Variants in IL1RAPL2 observed in about 807,000 individuals in gnomAD.
The protein encoded by IL1RAPL2 is X-linked interleukin-1 receptor accessory protein-like 2.
In IL1RAPL2, 3 loss-of-function variants were observed where a neutral mutation model predicts 44.1. The ratio of observed to expected loss-of-function variants is 0.07; its 90% CI spans 0.03 to 0.18. The LOEUF is 0.18. Among genes scored for constraint, IL1RAPL2 ranks in the 10% least tolerant of loss-of-function variants. IL1RAPL2 has a pLI of 1.00. For missense variants in IL1RAPL2, 391 were observed against 496.4 expected, an observed-to-expected ratio of 0.79 and a Z score of 2.02; for synonymous variants, 181 against 178.8, an observed-to-expected ratio of 1.01 and a Z score of -0.10.
chrX:105,245,541 G>T (rs1159783185), intron 4 of IL1RAPL2, among the ~76,000 whole-genome samples: 2 of 112,354 alleles, frequency 1.8e-5, no homozygotes, highest in Admixed American at 9.5e-5. Context: ...CTTTTAGAAG[G>T]TTCTTCTGAC....
intron 2 of IL1RAPL2, among the ~76,000 whole-genome samples, chrX:105,080,135 A>G (rs1200801651): frequency 8.9e-6 from 1 of 111,846 alleles, no homozygotes; most frequent in African/African-American, 3.2e-5. Flanking sequence ...TGTCAGATGG[A>G]CAGATTGCAA....
intron 3 of IL1RAPL2, chrX:105,219,134 G>A (rs781872923): frequency 1.7e-6 from 2 of 1,211,231 alleles, no homozygotes; most frequent in South Asian, 1.8e-5. Flanking sequence ...TGCTCCTGAT[G>A]GTCTATTCTG....
At chrX:104,869,560 T>A (rs957198371) in intron 2 of IL1RAPL2, among the ~76,000 whole-genome samples, 3 of 112,082 alleles carry the variant, frequency 2.7e-5, no homozygotes, top group African/African-American at 9.7e-5. Flanking sequence ...ACTATTTCTT[T>A]TTTTTCATTA....
chrX:105,218,422 A>G (rs943606873), intron 3 of IL1RAPL2, among the ~76,000 whole-genome samples: 2 of 111,057 alleles, frequency 1.8e-5, no homozygotes, highest in Non-Finnish European at 3.8e-5. Context: ...ATTGCTCAAC[A>G]TCATGGAATC....
intron 6 of IL1RAPL2, among the ~76,000 whole-genome samples, chrX:105,573,485 A>G (rs1003294265): frequency 9.0e-6 from 1 of 111,663 alleles, no homozygotes; most frequent in African/African-American, 3.3e-5. Context: ...CTGAATTTAG[A>G]TGGTAAGAAT....
rs201370800 is a variant in IL1RAPL2 at position 105,614,843 on chromosome X, T to TA, written c.773-102518dup. ...ATGGACAAATGGTATCACATCAAGTTAAAAAACTTCGGCACAGCAAAAGAA... is the reference window on the plus strand; with the variant it reads ...ATGGACAAATGGTATCACATCAAGTTAAAAAAACTTCGGCACAGCAAAAGAA... On this transcript the variant is annotated intron_variant, in intron 6 of 10. Transcript: ENST00000372582. 6.8e-3 allele frequency among the ~76,000 whole-genome samples: 757 copies of TA among 111,188 alleles called. 8 individuals are homozygous for TA. Among genetic ancestry groups the TA allele is most frequent in the African/African-American group, 0.021 (630 of 30,582 alleles).
At chrX:105,298,058 C>T (rs1042033732) in intron 5 of IL1RAPL2, among the ~76,000 whole-genome samples, 12 of 110,774 alleles carry the variant, frequency 1.1e-4, no homozygotes, top group African/African-American at 3.9e-4. Flanking sequence ...TCTACACACA[C>T]ACACATACAT....
At chrX:104,627,436 A>T (rs1929537239) in intron 1 of IL1RAPL2, among the ~76,000 whole-genome samples, 1 of 109,085 alleles carries the variant, frequency 9.2e-6, no homozygotes, top group Non-Finnish European at 1.9e-5. Flanking sequence ...TACATATGTA[A>T]CAAACCTGCA....
At chrX:104,803,169 T>C (rs937257358) in intron 2 of IL1RAPL2, among the ~76,000 whole-genome samples, 30 of 111,995 alleles carry the variant, frequency 2.7e-4, no homozygotes, top group Admixed American at 2.7e-3. Context: ...GAGGTAAGTC[T>C]GTTAGGATAT....
chrX:105,179,597 C>T (rs782811142), intron 2 of IL1RAPL2, among the ~76,000 whole-genome samples: 5 of 111,756 alleles, frequency 4.5e-5, no homozygotes, highest in South Asian at 3.7e-4. Context: ...TTTATTTTAA[C>T]GATATTAATT....
intron 5 of IL1RAPL2, among the ~76,000 whole-genome samples, chrX:105,462,699 A>G (rs1335047517): frequency 9.0e-6 from 1 of 111,407 alleles, no homozygotes; most frequent in Admixed American, 9.6e-5. Context: ...TAATTCATCA[A>G]ATCTGGGCCT....
At chrX:105,279,757 C>T (rs2034516068) in intron 5 of IL1RAPL2, among the ~76,000 whole-genome samples, 1 of 112,097 alleles carries the variant, frequency 8.9e-6, no homozygotes, top group African/African-American at 3.2e-5. Flanking sequence ...GGATTACAGG[C>T]GTGAGCCACC....
intron 2 of IL1RAPL2, among the ~76,000 whole-genome samples, chrX:105,090,143 T>C (rs769323867): frequency 4.0e-4 from 45 of 111,353 alleles, no homozygotes; most frequent in Non-Finnish European, 7.2e-4. Flanking sequence ...AGGCTTCTTA[T>C]TCTCCTTGAC....
At chrX:104,607,565 C>T (rs749367011) in intron 1 of IL1RAPL2, among the ~76,000 whole-genome samples, 4 of 111,698 alleles carry the variant, frequency 3.6e-5, no homozygotes, top group Non-Finnish European at 3.8e-5. Context: ...ATCAAAAAGT[C>T]GGCAAAGAAT....
intron 2 of IL1RAPL2, among the ~76,000 whole-genome samples, chrX:104,853,902 CAAAAAA>C (rs11364619): frequency 4.6e-5 from 2 of 43,739 alleles, no homozygotes; most frequent in Non-Finnish European, 8.3e-5. Flanking sequence ...GACTCCGTCT[CAAAAAA>C]AAAAAAAAAA....
intron 6 of IL1RAPL2, among the ~76,000 whole-genome samples, chrX:105,557,064 A>G (rs1444447335): frequency 2.7e-5 from 3 of 111,922 alleles, no homozygotes; most frequent in African/African-American, 6.5e-5. Context: ...AAGTTTGTCT[A>G]TTGTCTGGTT....
At chrX:104,999,837 A>G (rs916924455) in intron 2 of IL1RAPL2, among the ~76,000 whole-genome samples, 10 of 111,108 alleles carry the variant, frequency 9.0e-5, no homozygotes, top group Non-Finnish European at 1.5e-4. Context: ...ACCCAATGAC[A>G]TTTTCCCCTA....
At chrX:104,694,739 G>A (rs754898373) in intron 2 of IL1RAPL2, among the ~76,000 whole-genome samples, 6 of 111,522 alleles carry the variant, frequency 5.4e-5, no homozygotes, top group Non-Finnish European at 1.1e-4. Flanking sequence ...TAAGTTAGAG[G>A]TAAGGTTGAT....
intron 2 of IL1RAPL2, among the ~76,000 whole-genome samples, chrX:104,947,380 G>A (rs1299583646): frequency 4.2e-5 from 4 of 95,390 alleles, no homozygotes; most frequent in African/African-American, 1.2e-4. Context: ...TGTTCACTCT[G>A]ATGGTAGTTT....
Sources: allele counts gnomAD v4.1 joint callset (sites outside exome capture counted in the v4.1 genomes callset), GRCh38; gene constraint gnomAD v4.1.1; transcripts MANE v1.5; gene names NCBI Gene and HGNC (gene_info 2026-07-23, HGNC 2026-07-21).